The following UNC13C variants were observed in gnomAD, a reference collection of about 807,000 sequenced individuals.
UNC13C encodes the protein protein unc-13 homolog C.
UNC13C carries 174 observed loss-of-function variants against 245.4 expected under a neutral mutation model. The ratio of observed to expected loss-of-function variants is 0.71; its 90% CI spans 0.63 to 0.80. UNC13C has a LOEUF of 0.80. Ranked by LOEUF, UNC13C falls within the 30% of genes least tolerant of loss-of-function variation. The pLI is 0.00. For missense variants in UNC13C, 2,829 were observed against 2,602.9 expected, an observed-to-expected ratio of 1.09 and a Z score of -1.89; for synonymous variants, 992 against 895.1, an observed-to-expected ratio of 1.11 and a Z score of -1.93.
chr15:54,073,322 A>T lies in UNC13C; in HGVS notation c.2983+57436A>T, dbSNP rs377174630. ...TTGGTTCCAAGTCTTTGGTATTGTG[A>T]ACAGTGCTGCAATACATATACATGT... On this transcript the variant is annotated intron_variant, in intron 2 of 32. Coordinates refer to ENST00000260323, the MANE Select transcript of UNC13C (RefSeq NM_001080534.3). Among the ~76,000 whole-genome samples the T allele has an allele frequency of 5.3e-5, 8 of 152,216 alleles. No homozygotes were observed. In the East Asian group the frequency reaches 1.4e-3, roughly 26 times the overall value.
intron 7 of UNC13C, among the ~76,000 whole-genome samples, chr15:54,242,714 C>A (rs943627899): frequency 1.5e-4 from 23 of 152,030 alleles, no homozygotes; most frequent in African/African-American, 5.1e-4. Context: ...TTAACTATTG[C>A]ATATACACAA....
chr15:54,555,185 G>T (rs1452952926), intron 28 of UNC13C, among the ~76,000 whole-genome samples: 1 of 151,870 alleles, frequency 6.6e-6, no homozygotes, highest in Non-Finnish European at 1.5e-5. Flanking sequence ...ACATTAGTTT[G>T]CAAGTGAAAA....
intron 10 of UNC13C, among the ~76,000 whole-genome samples, chr15:54,271,121 A>G (rs932354148): frequency 1.4e-4 from 21 of 152,140 alleles, no homozygotes; most frequent in Non-Finnish European, 2.9e-4. Context: ...TTAAAATACT[A>G]TAGATGTTGT....
intron 25 of UNC13C, among the ~76,000 whole-genome samples, chr15:54,528,190 C>T (rs1895563173): frequency 6.6e-6 from 1 of 152,132 alleles, no homozygotes; most frequent in Admixed American, 6.6e-5. Context: ...CACAGGGCAC[C>T]TACCTGGGAA....
Position 54,015,727 on chromosome 15 carries a change from T to G in UNC13C, c.2824T>G (p.Ser942Ala). 1 of 1,613,406 alleles carries G rather than the reference T, an allele frequency of 6.2e-7. No individual in the cohort carries two copies. Among genetic ancestry groups the G allele is most frequent in the Non-Finnish European group, 8.5e-7 (1 of 1,179,716 alleles). Reference protein sequence around the residue: ...EEGLEPLNETSAEMEIREDEN... With the variant: ...EEGLEPLNETAAEMEIREDEN... ...GGGGTTAGAACCCTTAAATGAAACA[T>G]CAGCTGAGATGGAAATAAGAGAAGA... is the stretch of plus-strand genomic sequence containing the variant. Residue 942 changes from serine to alanine, a missense_variant, in exon 2 of 33, where the codon TCA becomes GCA. Ser to Ala is a moderately conservative substitution (Grantham distance 99). Transcript: ENST00000260323.
At position 53,978,833 on chromosome 15, in the gene UNC13C, G is replaced by A. The variant is rs1893806856; in HGVS notation, c.-351G>A. ...AACGAGACTAGAAACACAATTGCAA[G>A]TGGTGTTCCTAAAAGGAAAACACAT... is the stretch of plus-strand genomic sequence containing the variant. On this transcript the variant is annotated 5_prime_UTR_variant, in exon 1 of 33. It adds an upstream start codon to the 5' untranslated region. Coordinates refer to ENST00000260323, the MANE Select transcript of UNC13C (RefSeq NM_001080534.3). Among the ~76,000 whole-genome samples, 1 of 152,142 alleles carries A rather than the reference G, an allele frequency of 6.6e-6. No homozygotes were observed. The highest frequency in any genetic ancestry group is 1.5e-5 in the Non-Finnish European group (1 of 68,036).
At chr15:54,093,723 A>G (rs1450982818) in intron 2 of UNC13C, among the ~76,000 whole-genome samples, 1 of 152,168 alleles carries the variant, frequency 6.6e-6, no homozygotes, top group Non-Finnish European at 1.5e-5. Context: ...TGTTGAGCAT[A>G]TGTCTATATC....
At chr15:54,502,313 T>C (rs928499679) in intron 22 of UNC13C, among the ~76,000 whole-genome samples, 1 of 152,098 alleles carries the variant, frequency 6.6e-6, no homozygotes, top group African/African-American at 2.4e-5. Flanking sequence ...ATCTCAGAAG[T>C]TGAAAGAGGC....
chr15:54,015,523 A>T lies in UNC13C; in HGVS notation c.2620A>T (p.Asn874Tyr), dbSNP rs1400778128. The stretch of plus-strand genomic sequence containing the variant: ...AGATTATACTGAACCAGTGGCTGAC[A>T]ATGAAACAGATTATGTTGAAGTCAT... ...EEDYTEPVADNETDYVEVMEQ... is the reference protein window; with the variant it reads ...EEDYTEPVADYETDYVEVMEQ... The change falls in exon 2 of 33, where the codon AAT (asparagine) becomes TAT (tyrosine). Residue 874 changes from asparagine to tyrosine, a missense_variant. By Grantham distance (143) the Asn-to-Tyr change is moderately radical. Coordinates refer to ENST00000260323, the MANE Select transcript of UNC13C (RefSeq NM_001080534.3). 6.2e-7 allele frequency: 1 copy of T among 1,613,130 alleles called. No individual in the cohort carries two copies. Among genetic ancestry groups the T allele is most frequent in the Non-Finnish European group, 8.5e-7 (1 of 1,179,356 alleles).
chr15:54,162,555 A>T (rs902905502), intron 4 of UNC13C, among the ~76,000 whole-genome samples: 2 of 152,158 alleles, frequency 1.3e-5, no homozygotes, highest in African/African-American at 4.8e-5. Flanking sequence ...GATTCTTTCC[A>T]TCAAAACCAG....
In UNC13C at chr15:54,623,874, C is replaced by A. The variant is rs1323057523; in HGVS notation, c.6279C>A (p.Asn2093Lys). Residue 2093 changes from asparagine (N) to lysine (K), a missense_variant, in exon 32 of 33, where the codon AAC (asparagine) becomes AAA (lysine). By Grantham distance (94) the Asn-to-Lys change is moderately conservative (BLOSUM62 0). Transcript: ENST00000260323. ...PFVEVCILGP[N>K]LGDKKRKQGT... ...TGGAAGTTTGTATACTGGGACCCAACCTTGGAGACAAGAAGAGAAAACAAG... is the reference window on the plus strand; with the variant it reads ...TGGAAGTTTGTATACTGGGACCCAAACTTGGAGACAAGAAGAGAAAACAAG... 5 of 1,613,190 alleles carry A rather than the reference C, an allele frequency of 3.1e-6. No homozygotes were observed.
At position 54,455,205 on chromosome 15, in the gene UNC13C, C is replaced by CTCTCTCTATATA. The variant is rs1388065398; in HGVS notation, c.4934-39402_4934-39401insCTCTCTATATAT. On this transcript the variant is annotated intron_variant, in intron 19 of 32. Transcript: ENST00000260323. Reference sequence around the variant, plus strand: ...TCTCTCTCTCTCTCTCTCTCTCTCTCTATATATATATATATATATATATAT... The same window carrying CTCTCTCTATATA: ...TCTCTCTCTCTCTCTCTCTCTCTCTCTCTCTCTATATATATATATATATATATATATATATAT... Among the ~76,000 whole-genome samples the CTCTCTCTATATA allele has an allele frequency of 2.5e-3, 48 of 18,936 alleles. 1 individual carries two copies. The highest frequency in any genetic ancestry group is 2.7e-3 in the African/African-American group (14 of 5,242). 12.4% of individuals were successfully genotyped at this position (18,936 alleles called of 152,430 possible).
intron 30 of UNC13C, 80 bp downstream of exon 30, chr15:54,568,027 C>A: frequency 8.9e-7 from 1 of 1,128,878 alleles, no homozygotes; most frequent in Non-Finnish European, 1.2e-6. Flanking sequence ...TATACATAGT[C>A]CCAATAATTT....
At chr15:54,087,224 TAA>T (rs1013781729) in intron 2 of UNC13C, among the ~76,000 whole-genome samples, 2 of 151,740 alleles carry the variant, frequency 1.3e-5, no homozygotes, top group Non-Finnish European at 2.9e-5. Context: ...GCAGTTTTTT[TAA>T]AAAAAATAAA....
In UNC13C at chr15:54,546,904, A is replaced by G. The variant is rs1896509639; in HGVS notation, c.5820+59A>G. The G allele has an allele frequency of 7.0e-6, 10 of 1,433,972 alleles. No individual in the cohort carries two copies. In the South Asian group the frequency reaches 1.1e-4, roughly 16 times the overall value. 88.8% of individuals were successfully genotyped at this position (1,433,972 alleles called of 1,614,324 possible). The stretch of plus-strand genomic sequence containing the variant: ...ACCCATCTGTTTTTGGTTTAAGTGA[A>G]TGGTTTTCATCCAGATGAAATACTA... On this transcript the variant is annotated intron_variant, in intron 27 of 32. Transcript: ENST00000260323.
chr15:53,957,157 T>A, the UNC13C span, among the ~76,000 whole-genome samples: 1 of 151,974 alleles, frequency 6.6e-6, no homozygotes, highest in Non-Finnish European at 1.5e-5. Context: ...GTTTGTTTTT[T>A]TTGAGACAGA....
At chr15:53,889,162 A>G in the UNC13C span, among the ~76,000 whole-genome samples, 1 of 152,128 alleles carries the variant, frequency 6.6e-6, no homozygotes, top group African/African-American at 2.4e-5. Context: ...CTTTCACGAT[A>G]TTGATTCTCC....
Position 54,014,794 on chromosome 15 carries a change from A to T in UNC13C, c.1891A>T (p.Asn631Tyr). Residue 631 changes from asparagine (N) to tyrosine (Y), a missense_variant, in exon 2 of 33, where the codon AAT becomes TAT. Physicochemically the swap from Asn to Tyr is moderately radical, Grantham distance 143 (BLOSUM62 -2). Coordinates refer to ENST00000260323, the MANE Select transcript of UNC13C (RefSeq NM_001080534.3). Reference protein sequence around the residue: ...NTETVDSGMSNGMVCASGDRS... With the variant: ...NTETVDSGMSYGMVCASGDRS... The stretch of plus-strand genomic sequence containing the variant: ...AGAAACTGTGGATAGTGGAATGAGT[A>T]ATGGCATGGTGTGTGCATCTGGAGA... 1 of 1,613,904 alleles carries T rather than the reference A, an allele frequency of 6.2e-7. No homozygotes were observed. Among genetic ancestry groups the T allele is most frequent in the Admixed American group, 1.7e-5 (1 of 60,008 alleles).
chr15:53,969,862 TTC>T, the UNC13C span, among the ~76,000 whole-genome samples: 10 of 152,212 alleles, frequency 6.6e-5, no homozygotes, highest in Non-Finnish European at 1.0e-4. Context: ...TTACCTGACT[TTC>T]TGTTTTCCCC....
Sources: gnomAD v4.1 joint callset for allele counts (sites outside exome capture counted in the v4.1 genomes callset) on GRCh38, gnomAD v4.1.1 for gene constraint, MANE v1.5 for transcripts, NCBI Gene and HGNC (gene_info 2026-07-23, HGNC 2026-07-21) for gene names.